Variants in FNTB observed in about 807,000 individuals in gnomAD.
The protein encoded by FNTB is farnesyltransferase, CAAX box, subunit beta.
FNTB carries 27 observed loss-of-function variants against 59.4 expected under a neutral mutation model. That is an observed-to-expected ratio of 0.45 (90% CI 0.34 to 0.63). The LOEUF (loss-of-function observed/expected upper bound fraction) is 0.63, where lower values mean the gene tolerates loss of function less well. Ranked by LOEUF, FNTB falls within the 20% of genes least tolerant of loss-of-function variation. FNTB has a pLI of 0.02. For missense variants in FNTB, 449 were observed against 559.6 expected (o/e 0.80, Z 1.99); for synonymous variants, 230 against 220.7 (o/e 1.04, Z -0.37).
chr14:64,997,166 G>A lies in FNTB; in HGVS notation c.145-7083G>A, dbSNP rs755267244. Among the ~76,000 whole-genome samples, 1 of 152,144 alleles carries A rather than the reference G, an allele frequency of 6.6e-6. No individual in the cohort carries two copies. The highest frequency in any genetic ancestry group is 1.5e-5 in the Non-Finnish European group (1 of 68,026). ...ATTCTGCTAAGATGTAGGTGTAAAG[G>A]ATAACCAGCGATTATTCCGGAGGTC... On this transcript the variant is annotated intron_variant, in intron 1 of 11. Coordinates refer to ENST00000246166, the MANE Select transcript of FNTB (RefSeq NM_002028.4). The surrounding 1 kb of genome is among the most constrained non-coding windows in gnomAD (Gnocchi z 4.5).
chr14:65,027,777 G>T lies in FNTB; in HGVS notation c.601G>T (p.Val201Leu). 1.2e-6 allele frequency: 2 copies of T among 1,614,172 alleles called. No individual in the cohort carries two copies. Among genetic ancestry groups the T allele is most frequent in the Non-Finnish European group, 1.7e-6 (2 of 1,180,034 alleles). Residue 201 changes from valine to leucine, a missense_variant, in exon 6 of 12, where the codon GTG becomes TTG. Physicochemically the swap from Val to Leu is conservative, Grantham distance 32. This residue lies in a region of FNTB where 337 missense variants were observed against 479.1 expected (regional missense o/e 0.70). Transcript: ENST00000246166. This position sits in a 1 kb window ranked among gnomAD's most constrained non-coding sequence, Gnocchi z 5.7. ...FLMHVGGEVD[V>L]RSAYCAASVA... ...CATGCATGTCGGAGGTGAGGTGGAT[G>T]TGAGGTGAGTGGGGTTTTGCACAGG...
At position 65,061,379 on chromosome 14, in the gene FNTB, A is replaced by T; in HGVS notation, c.*67A>T. The stretch of plus-strand genomic sequence containing the variant: ...AGTCAGACAAGGTTTATACGTTTCA[A>T]TACATACTGCATTCTGTGCTACACA... On this transcript the variant is annotated 3_prime_UTR_variant, in exon 12 of 12. Transcript: ENST00000246166. The T allele has an allele frequency of 6.2e-7, 1 of 1,603,590 alleles. No individual in the cohort carries two copies. The highest frequency in any genetic ancestry group is 1.7e-5 in the Admixed American group (1 of 59,454).
chr14:65,022,083 GC>G, intron 4 of FNTB: 1 of 455,996 alleles, frequency 2.2e-6, no homozygotes, highest in Non-Finnish European at 4.4e-6. Context: ...AAGAGATGCT[GC>G]CCGTCTTCAC....
At position 64,994,561 on chromosome 14, in the gene FNTB, A is replaced by G. The variant is rs1381519202; in HGVS notation, c.144+7464A>G. On this transcript the variant is annotated intron_variant, in intron 1 of 11. Coordinates refer to ENST00000246166, the MANE Select transcript of FNTB (RefSeq NM_002028.4). This position sits in a 1 kb window ranked among gnomAD's most constrained non-coding sequence, Gnocchi z 4.2. ...GTTACTGTACTAAATACTGCAGGCA[A>G]TTGGAACACAATGGTAAATATTTTT... Among the ~76,000 whole-genome samples, 1 of 152,210 alleles carries G rather than the reference A, an allele frequency of 6.6e-6. No individual in the cohort carries two copies. Among genetic ancestry groups the G allele is most frequent in the Non-Finnish European group, 1.5e-5 (1 of 68,034 alleles).
At chr14:65,052,307 G>C (rs958884553) in intron 9 of FNTB, among the ~76,000 whole-genome samples, 1 of 152,054 alleles carries the variant, frequency 6.6e-6, no homozygotes, top group African/African-American at 2.4e-5. Flanking sequence ...GTAGAAAAAC[G>C]CATAGAACCA....
intron 9 of FNTB, among the ~76,000 whole-genome samples, chr14:65,051,342 G>A (rs1338137768): frequency 1.3e-5 from 2 of 152,170 alleles, no homozygotes; most frequent in African/African-American, 4.8e-5. Context: ...GGGTGCGGTG[G>A]CCCATGCCTG....
At chr14:65,052,578 G>A (rs993365083) in intron 9 of FNTB, among the ~76,000 whole-genome samples, 2 of 152,202 alleles carry the variant, frequency 1.3e-5, no homozygotes, top group Non-Finnish European at 2.9e-5. Context: ...TGACCATAGT[G>A]ATTGGACTTC....
rs1414626464 is a variant in FNTB, at chr14:65,030,697, G to A, written c.606-1913G>A. Among the ~76,000 whole-genome samples, 1 of 151,592 alleles carries A rather than the reference G, an allele frequency of 6.6e-6. No individual in the cohort carries two copies. The highest frequency in any genetic ancestry group is 1.9e-4 in the East Asian group (1 of 5,178). On this transcript the variant is annotated intron_variant, in intron 6 of 11. Transcript: ENST00000246166. The surrounding 1 kb of genome is among the most constrained non-coding windows in gnomAD (Gnocchi z 4.5). ...TGAGGTTGCAGTGAGCCATGATAGC[G>A]CCACTGCACTGCAGCCTGGGCAACA...
chr14:64,996,302 A>C (rs1888395039), intron 1 of FNTB, among the ~76,000 whole-genome samples: 1 of 151,958 alleles, frequency 6.6e-6, no homozygotes, highest in African/African-American at 2.4e-5. Flanking sequence ...GAAAGAAAGA[A>C]AGACAGAGAG....
chr14:64,995,594 A>T (rs1888361953), intron 1 of FNTB, among the ~76,000 whole-genome samples: 1 of 151,900 alleles, frequency 6.6e-6, no homozygotes, highest in African/African-American at 2.4e-5. Flanking sequence ...GTTCTTGACC[A>T]AAACATCCTT....
chr14:65,002,358 C>G (rs2061533234), intron 1 of FNTB, among the ~76,000 whole-genome samples: 1 of 152,192 alleles, frequency 6.6e-6, no homozygotes, highest in East Asian at 1.9e-4. Context: ...CCTGTAATCC[C>G]AGCACTTTGG....
At position 65,031,756 on chromosome 14, in the gene FNTB, A is replaced by T; in HGVS notation, c.606-854A>T. Among the ~76,000 whole-genome samples, 1 of 152,140 alleles carries T rather than the reference A, an allele frequency of 6.6e-6. No individual in the cohort carries two copies. The highest frequency in any genetic ancestry group is 2.4e-5 in the African/African-American group (1 of 41,464). The stretch of plus-strand genomic sequence containing the variant: ...GCCAACATGGCGAAACCCCATCTCC[A>T]CTAAAAATAGAAAAATAAGCCAGGC... On this transcript the variant is annotated intron_variant, in intron 6 of 11. Transcript: ENST00000246166. This position sits in a 1 kb window ranked among gnomAD's most constrained non-coding sequence, Gnocchi z 4.6.
chr14:65,032,752 A>G lies in FNTB; in HGVS notation c.692+56A>G. On this transcript the variant is annotated intron_variant, in intron 7 of 11. Coordinates refer to ENST00000246166, the MANE Select transcript of FNTB (RefSeq NM_002028.4). This position sits in a 1 kb window ranked among gnomAD's most constrained non-coding sequence, Gnocchi z 5.0. ...TTGGAGAGCAGGCGGTCACGACACT[A>G]CTTCAGAAAAATAAAGAAAATGCAG... 1 of 1,540,734 alleles carries G rather than the reference A, an allele frequency of 6.5e-7. No individual in the cohort carries two copies. Among genetic ancestry groups the G allele is most frequent in the South Asian group, 1.2e-5 (1 of 84,574 alleles).
At position 65,044,293 on chromosome 14, in the gene FNTB, C is replaced by G. The variant is rs1444454349; in HGVS notation, c.823-18C>G. Reference sequence around the variant, plus strand: ...CTCTTTTAGCCTACAACTGCCTTTCCCATCTGTGTCTCCTCAGCAATGGGT... The same window carrying G: ...CTCTTTTAGCCTACAACTGCCTTTCGCATCTGTGTCTCCTCAGCAATGGGT... On this transcript the variant is annotated intron_variant, in intron 8 of 11. Coordinates refer to ENST00000246166, the MANE Select transcript of FNTB (RefSeq NM_002028.4). This position sits in a 1 kb window ranked among gnomAD's most constrained non-coding sequence, Gnocchi z 5.5. The G allele has an allele frequency of 2.5e-6, 4 of 1,611,642 alleles. No homozygotes were observed. Among genetic ancestry groups the G allele is most frequent in the Non-Finnish European group, 3.4e-6 (4 of 1,179,096 alleles).
rs370877018 is a variant in FNTB at position 65,047,871 on chromosome 14, C to T, written c.955+3428C>T. Among the ~76,000 whole-genome samples, 3 of 152,002 alleles carry T rather than the reference C, an allele frequency of 2.0e-5. No individual in the cohort carries two copies. Among genetic ancestry groups the T allele is most frequent in the African/African-American group, 4.8e-5 (2 of 41,362 alleles). On this transcript the variant is annotated intron_variant, in intron 9 of 11. Transcript: ENST00000246166. This position sits in a 1 kb window ranked among gnomAD's most constrained non-coding sequence, Gnocchi z 5.2. Reference sequence around the variant, plus strand: ...TGGAGCAGTGCCTGGGCACACAGCCCGAGATGTACACAGCTTTTCCTGGAA... The same window carrying T: ...TGGAGCAGTGCCTGGGCACACAGCCTGAGATGTACACAGCTTTTCCTGGAA...
chr14:64,990,797 G>A lies in FNTB; in HGVS notation c.144+3700G>A, dbSNP rs1037143389. Among the ~76,000 whole-genome samples, 25 of 152,222 alleles carry A rather than the reference G, an allele frequency of 1.6e-4. No homozygotes were observed. Among genetic ancestry groups the A allele is most frequent in the African/African-American group, 5.3e-4 (22 of 41,456 alleles). ...AGTGAGGGTGGATACAGGGAAACCAGTTAGGAGGCTATTGCAGTATCCTGG... is the reference window on the plus strand; with the variant it reads ...AGTGAGGGTGGATACAGGGAAACCAATTAGGAGGCTATTGCAGTATCCTGG... On this transcript the variant is annotated intron_variant, in intron 1 of 11. Coordinates refer to ENST00000246166, the MANE Select transcript of FNTB (RefSeq NM_002028.4). This position sits in a 1 kb window ranked among gnomAD's most constrained non-coding sequence, Gnocchi z 5.2.
Position 65,040,817 on chromosome 14 carries a change from C to T in FNTB, c.720C>T (p.Gly240=), listed in dbSNP as rs147400066. The T allele has an allele frequency of 2.9e-5, 47 of 1,613,312 alleles. No homozygotes were observed. The East Asian group carries it at 8.5e-4, about 29-fold the overall frequency. The part of the protein sequence containing the change: ...ARCQNWEGGI[G]GVPGMEAHGG... ...GTCAGAACTGGGAAGGTGGCATTGG[C>T]GGGGTACCAGGGATGGAAGCCCATG... is the stretch of plus-strand genomic sequence containing the variant. Residue 240 remains glycine (G), a synonymous_variant, in exon 8 of 12, where the codon GGC becomes GGT. Transcript: ENST00000246166.
chr14:65,054,908 C>T lies in FNTB; in HGVS notation c.1182+219C>T, dbSNP rs760161193. 5.2e-4 allele frequency among the ~76,000 whole-genome samples: 79 copies of T among 152,190 alleles called. No homozygotes were observed. Among genetic ancestry groups the T allele is most frequent in the African/African-American group, 1.9e-3 (78 of 41,450 alleles). On this transcript the variant is annotated intron_variant, in intron 11 of 11. Coordinates refer to ENST00000246166, the MANE Select transcript of FNTB (RefSeq NM_002028.4). This position sits in a 1 kb window ranked among gnomAD's most constrained non-coding sequence, Gnocchi z 4.4. ...GTTCCAGATGGGCGGTCTGATCTGT[C>T]AAAGAGCTGTTGTGCCTTTATCCCA...
intron 7 of FNTB, among the ~76,000 whole-genome samples, chr14:65,036,062 G>A (rs2062184061): frequency 1.3e-5 from 2 of 149,608 alleles, no homozygotes; most frequent in Non-Finnish European, 3.0e-5. Context: ...TGAACTCCTG[G>A]TTTCAAGCAA....
Sources: gnomAD v4.1 joint callset for allele counts (sites outside exome capture counted in the v4.1 genomes callset) on GRCh38, gnomAD v4.1.1 for gene constraint, gnomAD v4.1.1 regional missense constraint, Gnocchi (gnomAD v3.1) non-coding constraint, MANE v1.5 for transcripts, NCBI Gene and HGNC (gene_info 2026-07-23, HGNC 2026-07-21) for gene names.